Variants in PCDH8 observed in about 807,000 individuals in gnomAD.
The protein encoded by PCDH8 is protocadherin-8.
A neutral mutation model predicts 58.2 loss-of-function variants in PCDH8; 36 were observed. The observed-to-expected ratio is 0.62, with a 90% CI of 0.47 to 0.82. The LOEUF is 0.82. Ranked by LOEUF, PCDH8 falls within the 40% of genes least tolerant of loss-of-function variation. PCDH8 has a pLI of 0.00. For missense variants in PCDH8, 1,493 were observed against 1,567.8 expected (o/e 0.95, Z 0.81); for synonymous variants, 775 against 728.9 (o/e 1.06, Z -1.02).
At position 52,843,293 on chromosome 13, in the gene PCDH8, C is replaced by T. The variant is rs1037470947; in HGVS notation, c.*1267G>A. 1 of 152,204 alleles carries T rather than the reference C, an allele frequency of 6.6e-6. No individual in the cohort carries two copies. Among genetic ancestry groups the T allele is most frequent in the Admixed American group, 6.5e-5 (1 of 15,282 alleles). The allele number at this position is 152,204 out of a possible 1,614,324, so 9.4% of individuals were successfully genotyped here. A position where few individuals can be genotyped will look rare whatever the true frequency, so the allele number is the denominator to read the frequency against. The stretch of plus-strand genomic sequence containing the variant: ...TGCTGAAATTTCCCTACCTCACATG[C>T]ACCTATGCTAGCATTGACAATTATC... On this transcript the variant is annotated 3_prime_UTR_variant, in exon 3 of 3. Transcript: ENST00000377942.
chr13:52,847,435 G>T lies in PCDH8; in HGVS notation c.1002C>A (p.Arg334=), dbSNP rs769828489. The T allele has an allele frequency of 2.0e-5, 31 of 1,586,228 alleles. No individual in the cohort carries two copies. Among genetic ancestry groups the T allele is most frequent in the Non-Finnish European group, 1.0e-5 (12 of 1,173,018 alleles). The change falls in exon 1 of 3, where the codon CGC becomes CGA. Residue 334 remains arginine (R), a synonymous_variant. Coordinates refer to ENST00000377942, the MANE Select transcript of PCDH8 (RefSeq NM_002590.4). ...VRAQDRGPGP[R]AATCKVIVRI... ...GCACGATGACCTTGCAGGTGGCAGC[G>T]CGGGGCCCGGGTCCGCGGTCCTGCG... is the stretch of plus-strand genomic sequence containing the variant.
Position 52,846,238 on chromosome 13 carries a change from A to C in PCDH8, c.2199T>G (p.Pro733=), listed in dbSNP as rs372212286. 17 of 1,584,912 alleles carry C rather than the reference A, an allele frequency of 1.1e-5. No homozygotes were observed. Among genetic ancestry groups the C allele is most frequent in the Non-Finnish European group, 1.4e-5 (16 of 1,172,502 alleles). The part of the protein sequence containing the change: ...SAGSPERSRP[P]GSRLGVSGSV... ...ACCCGGACACCCCGAGCCGAGAGCCAGGCGGGCGGGAACGCTCCGGGCTTC... is the reference window on the plus strand; with the variant it reads ...ACCCGGACACCCCGAGCCGAGAGCCCGGCGGGCGGGAACGCTCCGGGCTTC... Residue 733 remains proline (P), a synonymous_variant, in exon 1 of 3, where the codon CCT becomes CCG. Transcript: ENST00000377942.
Position 52,846,534 on chromosome 13 carries a change from G to A in PCDH8, c.1903C>T (p.Arg635Cys), listed in dbSNP as rs768385475. Residue 635 changes from arginine to cysteine, a missense_variant, in exon 1 of 3, where the codon CGT (arginine) becomes TGT (cysteine). Arg to Cys is a radical substitution (Grantham distance 180). This residue lies in a region of PCDH8 where 1,307 missense variants were observed against 1,362.7 expected (regional missense o/e 0.96). Transcript: ENST00000377942. ...GRTAKDTVVA[R>C]VQARDADEGA... ...TCGTCTGCATCCCGGGCCTGCACAC[G>A]GGCCACAACCGTGTCCTTTGCGGTG... 28 of 1,597,898 alleles carry A rather than the reference G, an allele frequency of 1.8e-5. 1 individual carries two copies. Among genetic ancestry groups the A allele is most frequent in the Non-Finnish European group, 2.2e-5 (26 of 1,177,520 alleles).
Position 52,846,030 on chromosome 13 carries a change from C to G in PCDH8, c.2407G>C (p.Gly803Arg), listed in dbSNP as rs531179041. 2.4e-5 allele frequency: 36 copies of G among 1,486,750 alleles called. No homozygotes were observed. The highest frequency in any genetic ancestry group is 3.0e-5 in the Non-Finnish European group (34 of 1,136,474). 92.1% of individuals were successfully genotyped at this position (1,486,750 alleles called of 1,614,324 possible). The change falls in exon 1 of 3, where the codon GGC becomes CGC. Residue 803 changes from glycine to arginine, a missense_variant. Physicochemically the swap from Gly to Arg is moderately radical, Grantham distance 125 (BLOSUM62 -2). Around this residue, in one of 3 missense-constraint regions of PCDH8, gnomAD observed 1,307 missense variants for 1,362.7 expected, o/e 0.96. Coordinates refer to ENST00000377942, the MANE Select transcript of PCDH8 (RefSeq NM_002590.4). ...GAAGGGASAP[G>R]SPEEAARGAG... is the part of the protein sequence containing the mutation. ...CCCCGGGCGGCCTCCTCCGGGGAGC[C>G]GGGAGCCGAGGCTCCGCCGCCCGCC...
Position 52,848,593 on chromosome 13 carries a change from C to G in PCDH8, c.-157G>C. On this transcript the variant is annotated 5_prime_UTR_variant, in exon 1 of 3. Transcript: ENST00000377942. ...CCGAGCCTCCAGCGGGCTCTGAGGA[C>G]GCGCGGACCCGCCCTCACTCTGCGC... 1 of 1,354,614 alleles carries G rather than the reference C, an allele frequency of 7.4e-7. No homozygotes were observed. Among genetic ancestry groups the G allele is most frequent in the South Asian group, 1.6e-5 (1 of 62,330 alleles). The allele number at this position is 1,354,614 out of a possible 1,614,324, so 83.9% of individuals were successfully genotyped here.
chr13:52,847,690 G>C lies in PCDH8; in HGVS notation c.747C>G (p.Ala249=). 6.4e-7 allele frequency: 1 copy of C among 1,552,272 alleles called. No homozygotes were observed. Among genetic ancestry groups the C allele is most frequent in the Non-Finnish European group, 8.6e-7 (1 of 1,158,558 alleles). ...CTTCCGCCAGCTCCACTTCGGCCACGGCGCCCTGCGGGAAGGCCGGGCTGT... is the reference window on the plus strand; with the variant it reads ...CTTCCGCCAGCTCCACTTCGGCCACCGCGCCCTGCGGGAAGGCCGGGCTGT... The part of the protein sequence containing the change: ...NDHSPAFPQG[A]VAEVELAEDA... The change falls in exon 1 of 3, where the codon GCC becomes GCG. Residue 249 remains alanine (A), a synonymous_variant. Transcript: ENST00000377942.
chr13:52,846,561 G>A lies in PCDH8; in HGVS notation c.1876C>T (p.Arg626Cys). ...NGSLEVAVPGRTAKDTVVARV... is the reference protein window; with the variant it reads ...NGSLEVAVPGCTAKDTVVARV... ...GCCACAACCGTGTCCTTTGCGGTGC[G>A]CCCAGGCACCGCCACTTCTAGGGAG... Residue 626 changes from arginine to cysteine, a missense_variant, in exon 1 of 3, where the codon CGC (arginine) becomes TGC (cysteine). Physicochemically the swap from Arg to Cys is radical, Grantham distance 180. Around this residue, in one of 3 missense-constraint regions of PCDH8, gnomAD observed 1,307 missense variants for 1,362.7 expected, o/e 0.96. Transcript: ENST00000377942. The A allele has an allele frequency of 1.2e-6, 2 of 1,602,678 alleles. No individual in the cohort carries two copies. Among genetic ancestry groups the A allele is most frequent in the Non-Finnish European group, 1.7e-6 (2 of 1,178,694 alleles).
At position 52,847,420 on chromosome 13, in the gene PCDH8, C is replaced by T. The variant is rs1965759231; in HGVS notation, c.1017G>A (p.Lys339=). ...RGPGPRAATC[K]VIVRIRDVND... ...TGACGTCTCGGATGCGCACGATGACCTTGCAGGTGGCAGCGCGGGGCCCGG... is the reference window on the plus strand; with the variant it reads ...TGACGTCTCGGATGCGCACGATGACTTTGCAGGTGGCAGCGCGGGGCCCGG... The change falls in exon 1 of 3, where the codon AAG becomes AAA. Residue 339 remains lysine, a synonymous_variant. Transcript: ENST00000377942. 1.3e-6 allele frequency: 2 copies of T among 1,585,194 alleles called. No homozygotes were observed. Among genetic ancestry groups the T allele is most frequent in the African/African-American group, 1.4e-5 (1 of 71,934 alleles).
rs1965737899 is a variant in PCDH8 at position 52,846,423 on chromosome 13, G to A, written c.2014C>T (p.Leu672=). 6.2e-7 allele frequency: 1 copy of A among 1,600,080 alleles called. No individual in the cohort carries two copies. The highest frequency in any genetic ancestry group is 1.3e-5 in the African/African-American group (1 of 74,874). Residue 672 remains leucine (L), a synonymous_variant, in exon 1 of 3, where the codon CTG becomes TTG. Transcript: ENST00000377942. ...TCCTGCGAGAGGTCGCCGGTGAGCAGTATCTCCCCCGTGCGGCGGCCGATG... is the reference window on the plus strand; with the variant it reads ...TCCTGCGAGAGGTCGCCGGTGAGCAATATCTCCCCCGTGCGGCGGCCGATG... ...FAIGRRTGEI[L]LTGDLSQEPP... is the part of the protein sequence containing the mutation.
Position 52,847,001 on chromosome 13 carries a change from G to A in PCDH8, c.1436C>T (p.Thr479Ile), listed in dbSNP as rs963954291. 6.4e-7 allele frequency: 1 copy of A among 1,574,780 alleles called. No homozygotes were observed. The highest frequency in any genetic ancestry group is 1.2e-5 in the South Asian group (1 of 86,682). ...AEDRGAPPLR[T>I]VRPYTVRVGD... ...CACACGCACCGTGTAGGGCCGCACT[G>A]TGCGCAGCGGGGGCGCGCCGCGATC... Residue 479 changes from threonine to isoleucine, a missense_variant, in exon 1 of 3, where the codon ACA (threonine) becomes ATA (isoleucine). By Grantham distance (89) the Thr-to-Ile change is moderately conservative (BLOSUM62 -1). Around this residue, in one of 3 missense-constraint regions of PCDH8, gnomAD observed 1,307 missense variants for 1,362.7 expected, o/e 0.96. Coordinates refer to ENST00000377942, the MANE Select transcript of PCDH8 (RefSeq NM_002590.4).
Position 52,847,232 on chromosome 13 carries a change from G to A in PCDH8, c.1205C>T (p.Pro402Leu). Residue 402 changes from proline (P) to leucine (L), a missense_variant, in exon 1 of 3, where the codon CCG (proline) becomes CTG (leucine). Pro to Leu is a moderately conservative substitution (Grantham distance 98, BLOSUM62 -3). Around this residue, in one of 3 missense-constraint regions of PCDH8, gnomAD observed 1,307 missense variants for 1,362.7 expected, o/e 0.96. Coordinates refer to ENST00000377942, the MANE Select transcript of PCDH8 (RefSeq NM_002590.4). ...CAGGCTCTCGCGCGCCGCCCCCTCC[G>A]GCACCAGCGAAGTGGCACCAGCCTC... The part of the protein sequence containing the change: ...TPEAGATSLV[P>L]EGAARESLVA... 3.6e-6 allele frequency: 5 copies of A among 1,394,046 alleles called. No individual in the cohort carries two copies. The highest frequency in any genetic ancestry group is 2.0e-4 in the Middle Eastern group (1 of 4,944). 86.4% of individuals were successfully genotyped at this position (1,394,046 alleles called of 1,614,324 possible).
chr13:52,847,188 A>T lies in PCDH8; in HGVS notation c.1249T>A (p.Ser417Thr). 1.4e-6 allele frequency: 2 copies of T among 1,479,864 alleles called. No homozygotes were observed. Among genetic ancestry groups the T allele is most frequent in the Admixed American group, 2.2e-5 (1 of 44,938 alleles). 91.7% of individuals were successfully genotyped at this position (1,479,864 alleles called of 1,614,324 possible). ...RESLVALVST[S>T]DRDSGANGQV... is the part of the protein sequence containing the mutation. ...CCGTTGGCGCCCGAGTCCCTGTCCGAGGTGCTGACCAGGGCCACCAGGCTC... is the reference window on the plus strand; with the variant it reads ...CCGTTGGCGCCCGAGTCCCTGTCCGTGGTGCTGACCAGGGCCACCAGGCTC... The change falls in exon 1 of 3, where the codon TCG becomes ACG. Residue 417 changes from serine to threonine, a missense_variant. Transcript: ENST00000377942.
chr13:52,848,366 A>T lies in PCDH8; in HGVS notation c.71T>A (p.Leu24His). The T allele has an allele frequency of 6.2e-7, 1 of 1,612,526 alleles. No individual in the cohort carries two copies. Among genetic ancestry groups the T allele is most frequent in the Non-Finnish European group, 8.5e-7 (1 of 1,180,024 alleles). The change falls in exon 1 of 3, where the codon CTC becomes CAC. Residue 24 changes from leucine (L) to histidine (H), a missense_variant. By Grantham distance (99) the Leu-to-His change is moderately conservative. Coordinates refer to ENST00000377942, the MANE Select transcript of PCDH8 (RefSeq NM_002590.4). ...GACTGTTTTGCTCTGGGCCACTGAG[A>T]GCACCCAGCAGAGGCTGAAGAGCTG... is the stretch of plus-strand genomic sequence containing the variant. The part of the protein sequence containing the change: ...PLQLFSLCWV[L>H]SVAQSKTVRY...
In PCDH8 at chr13:52,848,552, T is replaced by A; in HGVS notation, c.-116A>T. On this transcript the variant is annotated 5_prime_UTR_variant, in exon 1 of 3. Coordinates refer to ENST00000377942, the MANE Select transcript of PCDH8 (RefSeq NM_002590.4). Reference sequence around the variant, plus strand: ...CTTTGCGAGCCCTGTGCGGGAGAAGTCTGCGGGTAGCAGCTCCGAGCCTCC... The same window carrying A: ...CTTTGCGAGCCCTGTGCGGGAGAAGACTGCGGGTAGCAGCTCCGAGCCTCC... The A allele has an allele frequency of 7.0e-7, 1 of 1,437,128 alleles. No homozygotes were observed. Among genetic ancestry groups the A allele is most frequent in the Non-Finnish European group, 9.1e-7 (1 of 1,099,216 alleles). 89.0% of individuals were successfully genotyped at this position (1,437,128 alleles called of 1,614,324 possible).
In PCDH8 at chr13:52,847,915, C is replaced by T. The variant is rs1431328172; in HGVS notation, c.522G>A (p.Leu174=). 6.3e-7 allele frequency: 1 copy of T among 1,594,160 alleles called. No individual in the cohort carries two copies. Among genetic ancestry groups the T allele is most frequent in the Admixed American group, 1.7e-5 (1 of 57,930 alleles). Residue 174 remains leucine, a synonymous_variant, in exon 1 of 3, where the codon CTG becomes CTA. Coordinates refer to ENST00000377942, the MANE Select transcript of PCDH8 (RefSeq NM_002590.4). ...CGCGAAAGGGGCTGTGCGGCTCGGCCAGGCGCACGGTCTGCAGCCCGTTGG... is the reference window on the plus strand; with the variant it reads ...CGCGAAAGGGGCTGTGCGGCTCGGCTAGGCGCACGGTCTGCAGCCCGTTGG... ...VGANGLQTVR[L]AEPHSPFRVE...
In PCDH8 at chr13:52,843,292, G is replaced by A. The variant is rs1406551499; in HGVS notation, c.*1268C>T. 6.6e-6 allele frequency: 1 copy of A among 152,066 alleles called. No individual in the cohort carries two copies. The highest frequency in any genetic ancestry group is 1.9e-4 in the East Asian group (1 of 5,194). The allele number at this position is 152,066 out of a possible 1,614,324, so 9.4% of individuals were successfully genotyped here. A position where few individuals can be genotyped will look rare whatever the true frequency, so the allele number is the denominator to read the frequency against. On this transcript the variant is annotated 3_prime_UTR_variant, in exon 3 of 3. Transcript: ENST00000377942. Reference sequence around the variant, plus strand: ...CTGCTGAAATTTCCCTACCTCACATGCACCTATGCTAGCATTGACAATTAT... The same window carrying A: ...CTGCTGAAATTTCCCTACCTCACATACACCTATGCTAGCATTGACAATTAT...
chr13:52,848,491 G>C lies in PCDH8; in HGVS notation c.-55C>G. The C allele has an allele frequency of 6.6e-7, 1 of 1,514,832 alleles. No individual in the cohort carries two copies. The highest frequency in any genetic ancestry group is 1.3e-5 in the South Asian group (1 of 76,740). 93.8% of individuals were successfully genotyped at this position (1,514,832 alleles called of 1,614,324 possible). On this transcript the variant is annotated 5_prime_UTR_variant, in exon 1 of 3. Transcript: ENST00000377942. ...CTAAGGAAGTCTTCTCTGGTTTCCA[G>C]GTCGGGCGTCAGTCTCAGGCTCTCG...
In PCDH8 at chr13:52,846,724, C is replaced by T. The variant is rs1965744438; in HGVS notation, c.1713G>A (p.Thr571=). Residue 571 remains threonine, a synonymous_variant, in exon 1 of 3, where the codon ACG becomes ACA. Coordinates refer to ENST00000377942, the MANE Select transcript of PCDH8 (RefSeq NM_002590.4). The part of the protein sequence containing the change: ...IYALRSFDYE[T]LRQLDVRIQA... ...GGATGCGAACGTCGAGTTGGCGCAG[C>T]GTCTCATAGTCGAAGCTGCGCAGCG... 6.3e-7 allele frequency: 1 copy of T among 1,594,016 alleles called. No homozygotes were observed. The highest frequency in any genetic ancestry group is 2.3e-5 in the East Asian group (1 of 44,432).
At chr13:52,845,031 C>G in intron 2 of PCDH8, 98 bp from the exon 3 acceptor site, 1 of 1,346,938 alleles carries the variant, frequency 7.4e-7, no homozygotes, top group Admixed American at 2.5e-5. Context: ...GTCAGGGCAG[C>G]TGAAAGGAAA....
Sources: allele counts gnomAD v4.1 joint callset, GRCh38; gene constraint gnomAD v4.1.1; regional missense constraint gnomAD v4.1.1; transcripts MANE v1.5; gene names NCBI Gene and HGNC (gene_info 2026-07-23, HGNC 2026-07-21).